The following KPNB1 variants were observed in gnomAD, a reference collection of about 807,000 sequenced individuals.
KPNB1 encodes importin subunit beta-1.
KPNB1 carries 7 observed loss-of-function variants against 113.0 expected under a neutral mutation model. That is an observed-to-expected ratio of 0.06 (90% CI 0.04 to 0.12). KPNB1 has a LOEUF of 0.12. Ranked by LOEUF, KPNB1 falls within the 10% of genes least tolerant of loss-of-function variation. The pLI, the probability that KPNB1 is intolerant of heterozygous loss-of-function variation, is 1.00. For missense variants in KPNB1, 400 were observed against 1,054.8 expected (o/e 0.38, Z 8.60); for synonymous variants, 363 against 378.6 (o/e 0.96, Z 0.48).
At chr17:47,659,355 T>A (rs566372227) in intron 5 of KPNB1, among the ~76,000 whole-genome samples, 1 of 151,394 alleles carries the variant, frequency 6.6e-6, no homozygotes, top group African/African-American at 2.4e-5. Flanking sequence ...TCAAAAAAAA[T>A]AAAAAATAAA....
At chr17:47,672,525 G>A (rs1007551719) in intron 12 of KPNB1, among the ~76,000 whole-genome samples, 53 of 151,978 alleles carry the variant, frequency 3.5e-4, no homozygotes, top group African/African-American at 1.3e-3. Context: ...TGAGTAGCTA[G>A]GATTACAGGC....
intron 19 of KPNB1, chr17:47,678,685 G>T: frequency 2.8e-6 from 1 of 362,000 alleles, no homozygotes; most frequent in Admixed American, 3.9e-5. Flanking sequence ...TCGGCTCACT[G>T]CAACCTCCAC....
chr17:47,652,677 T>C lies in KPNB1; in HGVS notation c.100-17T>C, dbSNP rs751949560. ...TCCTAAGATATTTTTATTTACAAAT[T>C]TATCTTCCCTTAACAGCCCACTTTC... On this transcript the variant is annotated splice_polypyrimidine_tract_variant and intron_variant, in intron 2 of 21. Coordinates refer to ENST00000290158, the MANE Select transcript of KPNB1 (RefSeq NM_002265.6). The C allele has an allele frequency of 2.6e-6, 4 of 1,515,184 alleles. No individual in the cohort carries two copies. The highest frequency in any genetic ancestry group is 2.6e-6 in the Non-Finnish European group (3 of 1,132,830). 93.9% of individuals were successfully genotyped at this position (1,515,184 alleles called of 1,614,324 possible). A position where few individuals can be genotyped will look rare whatever the true frequency, so the allele number is the denominator to read the frequency against.
intron 3 of KPNB1, among the ~76,000 whole-genome samples, chr17:47,655,105 C>T (rs150736230): frequency 3.3e-5 from 5 of 152,340 alleles, no homozygotes; most frequent in African/African-American, 1.2e-4. Context: ...ACCCAGTCAG[C>T]AGAGCTGGCC....
At chr17:47,676,700 AT>A (rs2030623728) in intron 16 of KPNB1, among the ~76,000 whole-genome samples, 1 of 151,852 alleles carries the variant, frequency 6.6e-6, no homozygotes, top group African/African-American at 2.4e-5. Context: ...TGGACAAGAT[AT>A]TAGATGTAAC....
chr17:47,666,626 A>G (rs1158672925), intron 9 of KPNB1, among the ~76,000 whole-genome samples: 1 of 145,274 alleles, frequency 6.9e-6, no homozygotes, highest in Non-Finnish European at 1.5e-5. Flanking sequence ...TATATTATAT[A>G]TATTTATTTT....
intron 2 of KPNB1, chr17:47,651,207 C>T (rs1015498415): frequency 1.0e-6 from 1 of 985,014 alleles, no homozygotes; most frequent in Non-Finnish European, 1.2e-6. Context: ...TTTAAGGGGT[C>T]CGGAGAAAAT....
rs1236313142 is a variant in KPNB1 at position 47,652,023 on chromosome 17, A to G, written c.100-671A>G. On this transcript the variant is annotated intron_variant, in intron 2 of 21. Transcript: ENST00000290158. Reference sequence around the variant, plus strand: ...TTCTTTCACTTTTTCCCTATTTCTAAATATCTTATCACTTTTCCTTATAAA... The same window carrying G: ...TTCTTTCACTTTTTCCCTATTTCTAGATATCTTATCACTTTTCCTTATAAA... Among the ~76,000 whole-genome samples, 4 of 152,116 alleles carry G rather than the reference A, an allele frequency of 2.6e-5. No individual in the cohort carries two copies. The East Asian group carries it at 7.7e-4, about 29-fold the overall frequency.
Position 47,683,335 on chromosome 17 carries a change from T to TA in KPNB1, c.*932dup, listed in dbSNP as rs1422107222. 6.6e-6 allele frequency: 1 copy of TA among 151,730 alleles called. No homozygotes were observed. Among genetic ancestry groups the TA allele is most frequent in the Non-Finnish European group, 1.5e-5 (1 of 67,868 alleles). 9.4% of individuals were successfully genotyped at this position (151,730 alleles called of 1,614,324 possible). Reference sequence around the variant, plus strand: ...AAAAGAAAACTCTGGCGTTAGAGGATATAGAAAAATATAAGTACAATTGTT... The same window carrying TA: ...AAAAGAAAACTCTGGCGTTAGAGGATAATAGAAAAATATAAGTACAATTGTT... On this transcript the variant is annotated 3_prime_UTR_variant, in exon 22 of 22. Coordinates refer to ENST00000290158, the MANE Select transcript of KPNB1 (RefSeq NM_002265.6).
intron 8 of KPNB1, among the ~76,000 whole-genome samples, chr17:47,664,485 G>A (rs1221032774): frequency 6.6e-6 from 1 of 152,108 alleles, no homozygotes; most frequent in Non-Finnish European, 1.5e-5. Flanking sequence ...ATGATTGATC[G>A]TAAATAGTGG....
intron 3 of KPNB1, among the ~76,000 whole-genome samples, chr17:47,653,244 C>T (rs556599050): frequency 1.3e-5 from 2 of 148,496 alleles, no homozygotes; most frequent in Non-Finnish European, 3.0e-5. Context: ...AATTCCGATT[C>T]GGTACTTCTG....
chr17:47,659,796 A>T (rs1015954940), intron 5 of KPNB1, among the ~76,000 whole-genome samples: 3 of 152,080 alleles, frequency 2.0e-5, no homozygotes, highest in Non-Finnish European at 2.9e-5. Flanking sequence ...AATCCCAGCT[A>T]CTTGGGAAGC....
chr17:47,650,292 G>T lies in KPNB1; in HGVS notation c.40+8G>T. On this transcript the variant is annotated splice_region_variant and intron_variant, in intron 1 of 21. Coordinates refer to ENST00000290158, the MANE Select transcript of KPNB1 (RefSeq NM_002265.6). Reference sequence around the variant, plus strand: ...AGAAGACCGTGTCTCCCGGTAGGACGCAGGAGCCGGGGGTAGGGCTGAGGT... The same window carrying T: ...AGAAGACCGTGTCTCCCGGTAGGACTCAGGAGCCGGGGGTAGGGCTGAGGT... 1 of 1,605,094 alleles carries T rather than the reference G, an allele frequency of 6.2e-7. No individual in the cohort carries two copies. The highest frequency in any genetic ancestry group is 1.1e-5 in the South Asian group (1 of 90,622).
At chr17:47,653,708 C>G (rs1915642948) in intron 3 of KPNB1, among the ~76,000 whole-genome samples, 1 of 152,188 alleles carries the variant, frequency 6.6e-6, no homozygotes, top group Non-Finnish European at 1.5e-5. Flanking sequence ...TTATGCACAT[C>G]ATACTTGCTA....
At position 47,652,856 on chromosome 17, in the gene KPNB1, C is replaced by G; in HGVS notation, c.262C>G (p.Arg88Gly). ...QRWLAIDANA[R>G]REVKNYVLQT... ...GTGGCTTGCTATTGATGCTAATGCT[C>G]GACGAGAAGTCAAGAACTATGTGAG... The change falls in exon 3 of 22, where the codon CGA becomes GGA. Residue 88 changes from arginine to glycine, a missense_variant. Arg to Gly is a moderately radical substitution (Grantham distance 125). Around this residue, in one of 2 missense-constraint regions of KPNB1, gnomAD observed 285 missense variants for 627.0 expected, o/e 0.45. Transcript: ENST00000290158. 6.3e-7 allele frequency: 1 copy of G among 1,597,206 alleles called. No individual in the cohort carries two copies. Among genetic ancestry groups the G allele is most frequent in the Non-Finnish European group, 8.5e-7 (1 of 1,173,984 alleles).
Position 47,679,146 on chromosome 17 carries a change from C to G in KPNB1, c.2353+733C>G, listed in dbSNP as rs114655526. 5.4e-3 allele frequency among the ~76,000 whole-genome samples: 816 copies of G among 151,166 alleles called. 10 individuals are homozygous for G. Among genetic ancestry groups the G allele is most frequent in the African/African-American group, 0.018 (754 of 41,090 alleles). On this transcript the variant is annotated intron_variant, in intron 19 of 21. Coordinates refer to ENST00000290158, the MANE Select transcript of KPNB1 (RefSeq NM_002265.6). Reference sequence around the variant, plus strand: ...TTCACCATGTTTTGCAGGCTGCTCTCGAACTCCTGAGCTCAGGCAATCTCC... The same window carrying G: ...TTCACCATGTTTTGCAGGCTGCTCTGGAACTCCTGAGCTCAGGCAATCTCC...
intron 3 of KPNB1, among the ~76,000 whole-genome samples, chr17:47,655,973 G>T (rs1915705835): frequency 1.3e-5 from 2 of 152,192 alleles, no homozygotes; most frequent in African/African-American, 4.8e-5. Context: ...GAATTCTGAG[G>T]CCAGGCACAG....
chr17:47,672,906 C>T (rs1400622410), intron 12 of KPNB1, 112 bp from the exon 13 acceptor site: 3 of 913,040 alleles, frequency 3.3e-6, no homozygotes, highest in Non-Finnish European at 4.8e-6. Flanking sequence ...AAACTCAAAC[C>T]AGGTCTGCAG....
In KPNB1 at chr17:47,683,739, GT is replaced by G. The variant is rs71141925; in HGVS notation, c.*1337del. 152,470 of 152,518 alleles carry G rather than the reference GT, an allele frequency of 1. 76,211 individuals carry two copies. The highest frequency in any genetic ancestry group is 1 in the Middle Eastern group (294 of 294). 9.4% of individuals were successfully genotyped at this position (152,518 alleles called of 1,614,324 possible). A position where few individuals can be genotyped will look rare whatever the true frequency, so the allele number is the denominator to read the frequency against. On this transcript the variant is annotated 3_prime_UTR_variant, in exon 22 of 22. Transcript: ENST00000290158. ...AAAACAAAAACAAAAAAAAGTGTGT[GT>G]TGTGTGAATACACACACACACTAAC...
Sources: allele counts gnomAD v4.1 joint callset (sites outside exome capture counted in the v4.1 genomes callset), GRCh38; gene constraint gnomAD v4.1.1; regional missense constraint gnomAD v4.1.1; transcripts MANE v1.5; gene names NCBI Gene and HGNC (gene_info 2026-07-23, HGNC 2026-07-21).